The following MYH14 variants were observed in gnomAD, a reference collection of about 807,000 sequenced individuals.
MYH14 encodes the protein myosin-14.
Under a neutral mutation model 255.5 loss-of-function variants are expected in MYH14, and 123 were observed. That is an observed-to-expected ratio of 0.48 (90% confidence interval 0.42 to 0.56). MYH14 has a LOEUF of 0.56. Among genes scored for constraint, MYH14 ranks in the 20% least tolerant of loss-of-function variants. The pLI, the probability that MYH14 is intolerant of heterozygous loss-of-function variation, is 0.00. For missense variants in MYH14, 2,423 were observed against 2,802.3 expected (o/e 0.86, Z 3.06); for synonymous variants, 1,095 against 1,161.2 (o/e 0.94, Z 1.16).
chr19:50,274,438 G>C (rs1268761999), intron 27 of MYH14, among the ~76,000 whole-genome samples: 1 of 152,096 alleles, frequency 6.6e-6, no homozygotes, highest in African/African-American at 2.4e-5. Context: ...GGGACTACAG[G>C]TGCCCACCAC....
chr19:50,249,020 A>G lies in MYH14; in HGVS notation c.1363A>G (p.Thr455Ala). The G allele has an allele frequency of 6.2e-7, 1 of 1,613,582 alleles. No homozygotes were observed. Among genetic ancestry groups the G allele is most frequent in the Non-Finnish European group, 8.5e-7 (1 of 1,179,774 alleles). Residue 455 changes from threonine to alanine, a missense_variant, in exon 13 of 43, where the codon ACC becomes GCC. Coordinates refer to ENST00000642316, the MANE Select transcript of MYH14 (RefSeq NM_001145809.2). ...CGCGCTGGAGGCCCTGGCCAAGGCC[A>G]CCTACGAGCGCCTCTTCCGCTGGCT... ...DFALEALAKATYERLFRWLVL... is the reference protein window; with the variant it reads ...DFALEALAKAAYERLFRWLVL...
Position 50,278,168 on chromosome 19 carries a change from C to T in MYH14, c.3911C>T (p.Ala1304Val). 2 of 1,612,644 alleles carry T rather than the reference C, an allele frequency of 1.2e-6. No homozygotes were observed. The highest frequency in any genetic ancestry group is 1.7e-6 in the Non-Finnish European group (2 of 1,179,244). Reference sequence around the variant, plus strand: ...GCAGAACTGAGCAGCCTGCAGACTGCACGTCAGGAGGGTGAGCAGCGGAGG... The same window carrying T: ...GCAGAACTGAGCAGCCTGCAGACTGTACGTCAGGAGGGTGAGCAGCGGAGG... Reference protein sequence around the residue: ...LRAELSSLQTARQEGEQRRRR... With the variant: ...LRAELSSLQTVRQEGEQRRRR... The change falls in exon 30 of 43, where the codon GCA (alanine) becomes GTA (valine). Residue 1304 changes from alanine (A) to valine (V), a missense_variant. By Grantham distance (64) the Ala-to-Val change is moderately conservative. Transcript: ENST00000642316.
intron 13 of MYH14, 157 bp downstream of exon 13, chr19:50,249,296 T>C: frequency 1.1e-6 from 1 of 889,616 alleles, no homozygotes; most frequent in Non-Finnish European, 1.7e-6. Flanking sequence ...CCCCTCTCTC[T>C]GGGTCTCTGT....
chr19:50,276,073 G>T lies in MYH14; in HGVS notation c.3550G>T (p.Asp1184Tyr). 6.2e-7 allele frequency: 1 copy of T among 1,611,542 alleles called. No individual in the cohort carries two copies. The highest frequency in any genetic ancestry group is 8.5e-7 in the Non-Finnish European group (1 of 1,179,260). Residue 1184 changes from aspartate (D) to tyrosine (Y), a missense_variant, in exon 28 of 43, where the codon GAC becomes TAC. Asp to Tyr is a radical substitution (Grantham distance 160, BLOSUM62 -3). This residue lies in a region of MYH14 where 1,513 missense variants were observed against 1,674.8 expected (regional missense o/e 0.90). Coordinates refer to ENST00000642316, the MANE Select transcript of MYH14 (RefSeq NM_001145809.2). This position sits in a 1 kb window ranked among gnomAD's most constrained non-coding sequence, Gnocchi z 4.3. ...AQAALAEAQEDLESERVARTK... is the reference protein window; with the variant it reads ...AQAALAEAQEYLESERVARTK... ...AGCAGCCCTGGCCGAGGCCCAGGAG[G>T]ACCTGGAGTCTGAGCGTGTGGCCAG...
chr19:50,249,895 G>T, intron 14 of MYH14, 72 bp downstream of exon 14: 2 of 1,571,200 alleles, frequency 1.3e-6, no homozygotes, highest in Non-Finnish European at 1.7e-6. Context: ...CGAGACCAGG[G>T]TCTAGCTCCT....
chr19:50,268,994 A>G (rs1384186060), intron 24 of MYH14, among the ~76,000 whole-genome samples: 1 of 152,176 alleles, frequency 6.6e-6, no homozygotes, highest in Non-Finnish European at 1.5e-5. Context: ...CTGTATTTCT[A>G]TTTCATAATT....
At chr19:50,303,034 G>A (rs1023804851) in intron 40 of MYH14, among the ~76,000 whole-genome samples, 1 of 152,176 alleles carries the variant, frequency 6.6e-6, no homozygotes, top group Non-Finnish European at 1.5e-5. Context: ...GTCTCACTAC[G>A]AGTATTATTT....
At position 50,249,815 on chromosome 19, in the gene MYH14, G is replaced by A. The variant is rs2034294462; in HGVS notation, c.1648G>A (p.Glu550Lys). The A allele has an allele frequency of 2.5e-6, 4 of 1,614,056 alleles. No individual in the cohort carries two copies. Among genetic ancestry groups the A allele is most frequent in the Non-Finnish European group, 3.4e-6 (4 of 1,179,984 alleles). The stretch of plus-strand genomic sequence containing the variant: ...CCTGCAGCCCTGCATCGACCTCATC[G>A]AGCGGCCGGTGAGCCCCAGGCCCCT... Reference protein sequence around the residue: ...LDLQPCIDLIERPANPPGLLA... With the variant: ...LDLQPCIDLIKRPANPPGLLA... Residue 550 changes from glutamate (E) to lysine (K), a missense_variant, in exon 14 of 43, where the codon GAG becomes AAG. Physicochemically the swap from Glu to Lys is moderately conservative, Grantham distance 56. Transcript: ENST00000642316.
chr19:50,239,095 C>T (rs926481370), intron 10 of MYH14, among the ~76,000 whole-genome samples: 3 of 152,226 alleles, frequency 2.0e-5, no homozygotes, highest in African/African-American at 7.2e-5. Flanking sequence ...TCTCAGCTCA[C>T]TGCAACCTCC....
At chr19:50,301,577 T>G in intron 39 of MYH14, 84 bp from the exon 40 acceptor site, 1 of 1,006,822 alleles carries the variant, frequency 9.9e-7, no homozygotes, top group Non-Finnish European at 1.5e-6. Context: ...ATCAGTGCAC[T>G]TAATTCTCAG....
At chr19:50,207,349 G>A (rs1442363799) in intron 1 of MYH14, among the ~76,000 whole-genome samples, 4 of 145,966 alleles carry the variant, frequency 2.7e-5, no homozygotes, top group Non-Finnish European at 4.5e-5. Flanking sequence ...AGGGGGCCAC[G>A]CAGCAGGATA....
At chr19:50,203,937 C>T (rs1157158576) in intron 1 of MYH14, among the ~76,000 whole-genome samples, 1 of 152,186 alleles carries the variant, frequency 6.6e-6, no homozygotes, top group African/African-American at 2.4e-5. Flanking sequence ...CGGGCCTGTT[C>T]CGCAGAAGGG....
chr19:50,282,247 T>C (rs1440862492), intron 33 of MYH14, among the ~76,000 whole-genome samples: 1 of 152,214 alleles, frequency 6.6e-6, no homozygotes, highest in Non-Finnish European at 1.5e-5. Flanking sequence ...ATGGCAATAA[T>C]ACCAAGCATC....
chr19:50,246,226 A>G (rs2034119739), intron 11 of MYH14, among the ~76,000 whole-genome samples: 1 of 149,970 alleles, frequency 6.7e-6, no homozygotes, highest in Non-Finnish European at 1.5e-5. Context: ...TGCAACCTCT[A>G]CCTCCTGGGT....
At chr19:50,271,275 C>A in intron 24 of MYH14, 134 bp from the exon 25 acceptor site, 2 of 877,622 alleles carry the variant, frequency 2.3e-6, no homozygotes, top group Non-Finnish European at 3.5e-6. Context: ...CCTTCCCGGC[C>A]TCACCCAGGG....
At chr19:50,245,772 C>T (rs73061127) in intron 11 of MYH14, among the ~76,000 whole-genome samples, 1 of 152,226 alleles carries the variant, frequency 6.6e-6, no homozygotes, top group Admixed American at 6.5e-5. Context: ...GGGCTCTGTA[C>T]ATAGGCACCC....
chr19:50,277,885 C>A (rs1408986337), intron 29 of MYH14, among the ~76,000 whole-genome samples, 198 bp from the exon 30 acceptor site: 2 of 151,376 alleles, frequency 1.3e-5, no homozygotes, highest in Non-Finnish European at 2.9e-5. Context: ...CCTTTGCACT[C>A]CAGCTTGGGC....
chr19:50,272,563 G>A lies in MYH14; in HGVS notation c.3299G>A (p.Arg1100His), dbSNP rs374956489. Residue 1100 changes from arginine (R) to histidine (H), a missense_variant, in exon 27 of 43, where the codon CGC (arginine) becomes CAC (histidine). Arg to His is a conservative substitution (Grantham distance 29, BLOSUM62 0). This residue lies in a region of MYH14 where 1,513 missense variants were observed against 1,674.8 expected (regional missense o/e 0.90). Coordinates refer to ENST00000642316, the MANE Select transcript of MYH14 (RefSeq NM_001145809.2). ...CGGCCCCCACCCCTGCCTCCAGACC[G>A]CCTACGGAAGGAGGAGAAGGGTCGC... ...YEATIADMED[R>H]LRKEEKGRQE... The A allele has an allele frequency of 3.9e-5, 61 of 1,568,882 alleles. No individual in the cohort carries two copies. In the African/African-American group the frequency reaches 4.5e-4, roughly 11 times the overall value.
intron 17 of MYH14, 93 bp downstream of exon 17, chr19:50,255,411 C>A: frequency 2.2e-6 from 2 of 911,862 alleles, no homozygotes; most frequent in Non-Finnish European, 3.5e-6. Context: ...TCTGTCCCCT[C>A]TCCTCTTACT....
Sources: gnomAD v4.1 joint callset for allele counts (sites outside exome capture counted in the v4.1 genomes callset) on GRCh38, gnomAD v4.1.1 for gene constraint, gnomAD v4.1.1 regional missense constraint, Gnocchi (gnomAD v3.1) non-coding constraint, MANE v1.5 for transcripts, NCBI Gene and HGNC (gene_info 2026-07-23, HGNC 2026-07-21) for gene names.